HSPBAP1: variants seen among roughly 807,000 people sequenced by gnomAD.
HSPBAP1 encodes HSPB1 associated protein 1, also known as HSPB1-associated protein 1.
Under a neutral mutation model 45.2 loss-of-function variants are expected in HSPBAP1, and 27 were observed. The observed-to-expected ratio is 0.60, with a 90% CI of 0.44 to 0.82. HSPBAP1 has a LOEUF of 0.82. HSPBAP1 is among the 40% of genes least tolerant of loss of function. The probability of loss-of-function intolerance (pLI) is 0.00; values close to 1 mark genes in which losing one functional copy is unlikely to be tolerated. For synonymous variants in HSPBAP1, 204 were observed against 202.7 expected (o/e 1.01, Z -0.06); for missense variants, 510 against 590.9 (o/e 0.86, Z 1.42).
intron 5 of HSPBAP1, chr3:122,753,139 C>G (rs7631922): frequency 0.23 from 79,145 of 348,024 alleles, 9,042 homozygotes; most frequent in Middle Eastern, 0.26. Flanking sequence ...AATGGTGTTT[C>G]AGAATTTCAG....
chr3:122,763,891 C>T (rs188653732), intron 3 of HSPBAP1, among the ~76,000 whole-genome samples: 2 of 152,368 alleles, frequency 1.3e-5, no homozygotes, highest in African/African-American at 4.8e-5. Context: ...GTCTGCTCCA[C>T]GCAAGGCCCT....
At position 122,793,650 on chromosome 3, in the gene HSPBAP1, C is replaced by T; in HGVS notation, c.31G>A (p.Val11Met). MAAGSEATTP[V>M]IVAAGAGGEE... Reference sequence around the variant, plus strand: ...CCTCCAGCCCCAGCCGCAACGATCACAGGAGTGGTCGCCTCGGAGCCTGCT... The same window carrying T: ...CCTCCAGCCCCAGCCGCAACGATCATAGGAGTGGTCGCCTCGGAGCCTGCT... The change falls in exon 1 of 8, where the codon GTG becomes ATG. Residue 11 changes from valine to methionine, a missense_variant. Physicochemically the swap from Val to Met is conservative, Grantham distance 21 (BLOSUM62 1). Transcript: ENST00000306103. 6.2e-7 allele frequency: 1 copy of T among 1,613,982 alleles called. No homozygotes were observed. The highest frequency in any genetic ancestry group is 8.5e-7 in the Non-Finnish European group (1 of 1,180,034).
At chr3:122,770,734 T>C (rs1276835011) in intron 2 of HSPBAP1, among the ~76,000 whole-genome samples, 5 of 151,926 alleles carry the variant, frequency 3.3e-5, no homozygotes, top group Non-Finnish European at 7.4e-5. Context: ...ACCAAAAAAT[T>C]ATCAACTTCA....
At chr3:122,773,118 T>G (rs890504484) in intron 2 of HSPBAP1, among the ~76,000 whole-genome samples, 1 of 152,100 alleles carries the variant, frequency 6.6e-6, no homozygotes, top group African/African-American at 2.4e-5. Flanking sequence ...CCTACAGTGC[T>G]GGGATTTTAG....
intron 5 of HSPBAP1, chr3:122,753,442 G>C: frequency 2.0e-6 from 2 of 982,212 alleles, no homozygotes; most frequent in Non-Finnish European, 2.4e-6. Flanking sequence ...ATTCTAAGTA[G>C]GGGGATGGTT....
intron 3 of HSPBAP1, among the ~76,000 whole-genome samples, chr3:122,762,500 C>T (rs1287885341): frequency 2.0e-5 from 3 of 152,114 alleles, no homozygotes; most frequent in Non-Finnish European, 4.4e-5. Flanking sequence ...CTAAATTATA[C>T]CAAGGCTAAT....
rs1321481470 is a variant in HSPBAP1, at chr3:122,793,665, C to T, written c.16G>A (p.Glu6Lys). ...GCAACGATCACAGGAGTGGTCGCCTCGGAGCCTGCTGCCATGGCTACCGCA... is the reference window on the plus strand; with the variant it reads ...GCAACGATCACAGGAGTGGTCGCCTTGGAGCCTGCTGCCATGGCTACCGCA... MAAGS[E>K]ATTPVIVAAG... Residue 6 changes from glutamate to lysine, a missense_variant, in exon 1 of 8, where the codon GAG becomes AAG. By Grantham distance (56) the Glu-to-Lys change is moderately conservative. Coordinates refer to ENST00000306103, the MANE Select transcript of HSPBAP1 (RefSeq NM_024610.6). 6.2e-7 allele frequency: 1 copy of T among 1,613,870 alleles called. No homozygotes were observed. Among genetic ancestry groups the T allele is most frequent in the Admixed American group, 1.7e-5 (1 of 60,036 alleles).
chr3:122,777,723 G>A lies in HSPBAP1; in HGVS notation c.248C>T (p.Thr83Ile). Reference protein sequence around the residue: ...RFRMGMKSMSTVPQFETTCNY... With the variant: ...RFRMGMKSMSIVPQFETTCNY... Reference sequence around the variant, plus strand: ...ATGGTGATTACCTATAGTCATACCTGTGCTCATGCTTTTCATCCCCATTCT... The same window carrying A: ...ATGGTGATTACCTATAGTCATACCTATGCTCATGCTTTTCATCCCCATTCT... The change falls in exon 2 of 8, where the codon ACA (threonine) becomes ATA (isoleucine). Residue 83 changes from threonine to isoleucine, a missense_variant and splice_region_variant. Thr to Ile is a moderately conservative substitution (Grantham distance 89). Coordinates refer to ENST00000306103, the MANE Select transcript of HSPBAP1 (RefSeq NM_024610.6). 1 of 1,611,340 alleles carries A rather than the reference G, an allele frequency of 6.2e-7. No individual in the cohort carries two copies.
intron 1 of HSPBAP1, among the ~76,000 whole-genome samples, chr3:122,778,522 T>A (rs564092265): frequency 2.0e-5 from 2 of 99,064 alleles, no homozygotes; most frequent in African/African-American, 7.4e-5. Flanking sequence ...CTTTTTTTTT[T>A]ATTTTTTTTT....
At chr3:122,753,511 A>G in intron 5 of HSPBAP1, 2 of 983,866 alleles carry the variant, frequency 2.0e-6, no homozygotes, top group African/African-American at 3.5e-5. Context: ...AGGTCCACTT[A>G]TTAAACGTTA....
Position 122,741,003 on chromosome 3 carries a change from C to G in HSPBAP1, c.936G>C (p.Glu312Asp). ...ATGATGAAGACCAGAAGCCGCCTAC[C>G]TCAGTGGGGTTTAACCAGGCTCTGG... ...QNTRAWLNPT[E>D]VEETSHAVNC... is the part of the protein sequence containing the mutation. Residue 312 changes from glutamate (E) to aspartate (D), a missense_variant and splice_region_variant, in exon 7 of 8, where the codon GAG (glutamate) becomes GAC (aspartate). By Grantham distance (45) the Glu-to-Asp change is conservative. Coordinates refer to ENST00000306103, the MANE Select transcript of HSPBAP1 (RefSeq NM_024610.6). The G allele has an allele frequency of 6.2e-7, 1 of 1,613,334 alleles. No homozygotes were observed. The highest frequency in any genetic ancestry group is 8.5e-7 in the Non-Finnish European group (1 of 1,179,236).
intron 6 of HSPBAP1, among the ~76,000 whole-genome samples, chr3:122,749,235 G>A (rs80073496): frequency 0.017 from 2,574 of 151,972 alleles, 71 homozygotes; most frequent in African/African-American, 0.059. Context: ...TCTCTATAAA[G>A]GTTGGGAAAA....
Position 122,768,682 on chromosome 3 carries a change from A to G in HSPBAP1, c.432+19T>C. On this transcript the variant is annotated intron_variant, in intron 3 of 7. Transcript: ENST00000306103. The stretch of plus-strand genomic sequence containing the variant: ...AAAAACAAATTCCTACCAAGATTAG[A>G]AGGAAGGTTCTGACTTACCTGGAAA... The G allele has an allele frequency of 6.5e-7, 1 of 1,544,796 alleles. No individual in the cohort carries two copies.
chr3:122,782,818 G>C (rs1290519963), intron 1 of HSPBAP1, among the ~76,000 whole-genome samples: 2 of 152,200 alleles, frequency 1.3e-5, no homozygotes, highest in African/African-American at 4.8e-5. Context: ...AAGAGGGATA[G>C]GGAAGGAATC....
intron 3 of HSPBAP1, among the ~76,000 whole-genome samples, chr3:122,761,234 A>T (rs1027503119): frequency 1.3e-5 from 2 of 152,218 alleles, no homozygotes; most frequent in African/African-American, 2.4e-5. Flanking sequence ...TCTTAATCTT[A>T]TAGATACATC....
intron 1 of HSPBAP1, among the ~76,000 whole-genome samples, chr3:122,789,984 T>C (rs1278756906): frequency 6.6e-6 from 1 of 151,588 alleles, no homozygotes; most frequent in Non-Finnish European, 1.5e-5. Flanking sequence ...TGCCTCAGCC[T>C]CCCAAGCAGC....
intron 1 of HSPBAP1, among the ~76,000 whole-genome samples, chr3:122,782,297 A>T (rs1223788026): frequency 6.6e-6 from 1 of 152,206 alleles, no homozygotes; most frequent in Non-Finnish European, 1.5e-5. Context: ...AGGATAAAAG[A>T]TGTACTTAGA....
At chr3:122,756,907 G>T (rs1934375705) in intron 4 of HSPBAP1, among the ~76,000 whole-genome samples, 1 of 152,192 alleles carries the variant, frequency 6.6e-6, no homozygotes, top group Admixed American at 6.5e-5. Context: ...GTTAGAGTTG[G>T]AAGGGCTCTG....
intron 2 of HSPBAP1, among the ~76,000 whole-genome samples, chr3:122,772,456 G>A (rs1935035796): frequency 6.6e-6 from 1 of 152,056 alleles, no homozygotes. Context: ...AGCTTAATAT[G>A]CGGCCCAAAA....
Sources: gnomAD v4.1 joint callset for allele counts (sites outside exome capture counted in the v4.1 genomes callset) on GRCh38, gnomAD v4.1.1 for gene constraint, MANE v1.5 for transcripts, NCBI Gene and HGNC (gene_info 2026-07-23, HGNC 2026-07-21) for gene names.